Variants in MOB3B observed in about 807,000 individuals in gnomAD.
MOB3B encodes MOB kinase activator 3B.
Under a neutral mutation model 18.7 loss-of-function variants are expected in MOB3B, and 7 were observed. That is an observed-to-expected ratio of 0.37 (90% CI 0.21 to 0.70). The LOEUF is 0.70. Ranked by LOEUF, MOB3B falls within the 30% of genes least tolerant of loss-of-function variation. The pLI is 0.52. For missense variants in MOB3B, 253 were observed against 281.3 expected, an observed-to-expected ratio of 0.90 and a Z score of 0.72; for synonymous variants, 111 against 99.9, an observed-to-expected ratio of 1.11 and a Z score of -0.66.
chr9:27,468,938 A>T (rs1819430195), intron 1 of MOB3B, among the ~76,000 whole-genome samples: 1 of 152,218 alleles, frequency 6.6e-6, no homozygotes, highest in Non-Finnish European at 1.5e-5. Context: ...TCTAGCATTC[A>T]GTGAAAAGTC....
chr9:27,520,809 G>T (rs1176403612), intron 1 of MOB3B, among the ~76,000 whole-genome samples: 2 of 152,186 alleles, frequency 1.3e-5, no homozygotes, highest in East Asian at 3.8e-4. Context: ...TGCTGTGAGA[G>T]GTCAGTGGGA....
chr9:27,401,677 C>G (rs185451520), intron 2 of MOB3B, among the ~76,000 whole-genome samples: 2 of 152,242 alleles, frequency 1.3e-5, no homozygotes, highest in African/African-American at 2.4e-5. Flanking sequence ...TGGAGCACAT[C>G]TAGAAATCAA....
chr9:27,498,061 C>T (rs953766886), intron 1 of MOB3B, among the ~76,000 whole-genome samples: 1 of 152,202 alleles, frequency 6.6e-6, no homozygotes, highest in Non-Finnish European at 1.5e-5. Context: ...CATTTGACAG[C>T]TGCCAACTCC....
chr9:27,406,652 G>C (rs1587188347), intron 2 of MOB3B, among the ~76,000 whole-genome samples: 1 of 152,312 alleles, frequency 6.6e-6, no homozygotes, highest in East Asian at 1.9e-4. Flanking sequence ...AGTCTTCTTA[G>C]TAAATAGTGC....
At chr9:27,354,087 C>T (rs113317458) in intron 3 of MOB3B, among the ~76,000 whole-genome samples, 301 of 152,348 alleles carry the variant, frequency 2.0e-3, no homozygotes, top group African/African-American at 6.9e-3. Context: ...CATGTGTTTG[C>T]CTGGGTTCCC....
intron 1 of MOB3B, among the ~76,000 whole-genome samples, chr9:27,500,119 G>A (rs1223707418): frequency 6.6e-6 from 1 of 152,022 alleles, no homozygotes; most frequent in African/African-American, 2.4e-5. Context: ...CACCATTAAA[G>A]TGTGTATAGC....
At chr9:27,468,462 A>G (rs1819419064) in intron 1 of MOB3B, among the ~76,000 whole-genome samples, 1 of 152,090 alleles carries the variant, frequency 6.6e-6, no homozygotes, top group African/African-American at 2.4e-5. Context: ...CTTAACTTCA[A>G]CTCCTGGTAA....
intron 1 of MOB3B, among the ~76,000 whole-genome samples, chr9:27,525,733 T>G (rs1341248711): frequency 6.6e-6 from 1 of 152,210 alleles, no homozygotes; most frequent in East Asian, 1.9e-4. Context: ...TTTTACTGTT[T>G]TTCATGTGCC....
chr9:27,385,512 C>T (rs550724820), intron 2 of MOB3B, among the ~76,000 whole-genome samples: 1 of 152,108 alleles, frequency 6.6e-6, no homozygotes, highest in Non-Finnish European at 1.5e-5. Flanking sequence ...CTCCTGCATA[C>T]CTGCCCTCTC....
intron 2 of MOB3B, among the ~76,000 whole-genome samples, chr9:27,424,480 C>G (rs192525130): frequency 1.7e-3 from 253 of 152,326 alleles, no homozygotes; most frequent in African/African-American, 5.7e-3. Context: ...CCATTTACTT[C>G]ATTTCTCATC....
chr9:27,417,059 A>G (rs1822161151), intron 2 of MOB3B, among the ~76,000 whole-genome samples: 1 of 152,202 alleles, frequency 6.6e-6, no homozygotes, highest in African/African-American at 2.4e-5. Flanking sequence ...TACAGGATGT[A>G]TTACTTTTAA....
intron 2 of MOB3B, among the ~76,000 whole-genome samples, chr9:27,416,653 C>A (rs1216558995): frequency 6.7e-6 from 1 of 148,964 alleles, no homozygotes; most frequent in East Asian, 2.0e-4. Context: ...GCCTCACCCT[C>A]CCAAGTAGCT....
intron 2 of MOB3B, among the ~76,000 whole-genome samples, chr9:27,442,112 A>G (rs752031919): frequency 2.6e-5 from 4 of 152,220 alleles, no homozygotes; most frequent in Non-Finnish European, 5.9e-5. Context: ...TTATTTTGTT[A>G]GCATGTAATG....
intron 3 of MOB3B, among the ~76,000 whole-genome samples, chr9:27,332,652 A>C (rs1820805808): frequency 6.6e-6 from 1 of 152,214 alleles, no homozygotes; most frequent in African/African-American, 2.4e-5. Context: ...AATGCTCAAC[A>C]GTAACCGCTG....
intron 2 of MOB3B, among the ~76,000 whole-genome samples, chr9:27,428,549 G>T (rs1822370885): frequency 6.6e-6 from 1 of 152,178 alleles, no homozygotes; most frequent in Non-Finnish European, 1.5e-5. Context: ...AGAGGCCAAA[G>T]GTAAAACAAA....
chr9:27,338,062 G>A lies in MOB3B; in HGVS notation c.622-7446C>T, dbSNP rs528873404. Among the ~76,000 whole-genome samples, 5 of 152,246 alleles carry A rather than the reference G, an allele frequency of 3.3e-5. No individual in the cohort carries two copies. In the South Asian group the frequency reaches 1.0e-3, roughly 32 times the overall value. ...CAGCACTGGCTGGAAAGGTACTGCT[G>A]AAGATCCAGGGAGAAATAAAACTGT... On this transcript the variant is annotated intron_variant, in intron 3 of 3. Transcript: ENST00000262244.
rs1406360169 is a variant in MOB3B, at chr9:27,512,333, T to C, written c.-199+17222A>G. 5.3e-5 allele frequency among the ~76,000 whole-genome samples: 8 copies of C among 152,264 alleles called. No homozygotes were observed. In the East Asian group the frequency reaches 1.5e-3, roughly 29 times the overall value. ...GAGATTTTTGCAGAACATTATGAGA[T>C]TATTTATAAAAATAATAAATCGAAT... On this transcript the variant is annotated intron_variant, in intron 1 of 3. Coordinates refer to ENST00000262244, the MANE Select transcript of MOB3B (RefSeq NM_024761.5).
intron 1 of MOB3B, among the ~76,000 whole-genome samples, chr9:27,508,912 C>T (rs1820096726): frequency 6.6e-6 from 1 of 152,110 alleles, no homozygotes; most frequent in South Asian, 2.1e-4. Flanking sequence ...TCCACTACTC[C>T]TGGGAAAGCA....
At chr9:27,356,137 T>C (rs1821188169) in intron 3 of MOB3B, among the ~76,000 whole-genome samples, 1 of 152,200 alleles carries the variant, frequency 6.6e-6, no homozygotes, top group Admixed American at 6.5e-5. Context: ...TAGGGTTTGG[T>C]TAGTGTAAAA....
Sources: allele counts gnomAD v4.1 joint callset (sites outside exome capture counted in the v4.1 genomes callset), GRCh38; gene constraint gnomAD v4.1.1; transcripts MANE v1.5; gene names NCBI Gene and HGNC (gene_info 2026-07-23, HGNC 2026-07-21).